The following SLC35F4 variants were observed in gnomAD, a reference collection of about 807,000 sequenced individuals.
SLC35F4 encodes chromosome 14 open reading frame 36.
SLC35F4 carries 24 observed loss-of-function variants against 44.2 expected under a neutral mutation model. The ratio of observed to expected loss-of-function variants is 0.54; its 90% CI spans 0.39 to 0.76. The LOEUF (loss-of-function observed/expected upper bound fraction) is 0.76. Among genes scored for constraint, SLC35F4 ranks in the 30% least tolerant of loss-of-function variants. The pLI is 0.00. For missense variants in SLC35F4, 562 were observed against 586.1 expected (o/e 0.96, Z 0.42); for synonymous variants, 238 against 223.6 (o/e 1.06, Z -0.57).
rs912089974 is a variant in SLC35F4 at position 57,594,134 on chromosome 14, C to T, written c.104-10G>A. ...GATGATCTGGAGGTACCTGGAAAGA[C>T]AGAGTTCACGCCAGTTTGAGAACTG... is the stretch of plus-strand genomic sequence containing the variant. On this transcript the variant is annotated splice_polypyrimidine_tract_variant and intron_variant, in intron 1 of 7. Coordinates refer to ENST00000556826, the MANE Select transcript of SLC35F4 (RefSeq NM_001306087.2). 1.2e-6 allele frequency: 2 copies of T among 1,612,458 alleles called. No homozygotes were observed. The highest frequency in any genetic ancestry group is 2.2e-5 in the East Asian group (1 of 44,866).
At chr14:57,743,446 C>T (rs1453278723) in intron 1 of SLC35F4, among the ~76,000 whole-genome samples, 1 of 152,164 alleles carries the variant, frequency 6.6e-6, no homozygotes, top group African/African-American at 2.4e-5. Context: ...ACTATAAACA[C>T]CTCTACACAA....
intron 1 of SLC35F4, among the ~76,000 whole-genome samples, chr14:57,873,625 ATAGTT>A (rs1158957356): frequency 1.3e-5 from 2 of 152,208 alleles, no homozygotes; most frequent in Non-Finnish European, 2.9e-5. Flanking sequence ...CAGGGGGAAA[ATAGTT>A]AAGATACTCA....
intron 1 of SLC35F4, among the ~76,000 whole-genome samples, chr14:57,690,235 C>G (rs918461661): frequency 1.3e-5 from 2 of 152,146 alleles, no homozygotes; most frequent in African/African-American, 4.8e-5. Context: ...AACTATTGAG[C>G]ACCTACTGTG....
At chr14:57,774,005 GA>G (rs1215330697) in intron 1 of SLC35F4, among the ~76,000 whole-genome samples, 1 of 152,154 alleles carries the variant, frequency 6.6e-6, no homozygotes, top group East Asian at 1.9e-4. Context: ...AGTATACCTT[GA>G]CAATCTTTGA....
chr14:57,738,579 T>C (rs138074081), intron 1 of SLC35F4, among the ~76,000 whole-genome samples: 1 of 151,950 alleles, frequency 6.6e-6, no homozygotes, highest in South Asian at 2.1e-4. Flanking sequence ...CATGCAAAGA[T>C]GTTTAAGGGA....
intron 3 of SLC35F4, among the ~76,000 whole-genome samples, chr14:57,586,012 A>G (rs545644202): frequency 7.2e-4 from 109 of 152,352 alleles, no homozygotes; most frequent in Non-Finnish European, 1.4e-3. Flanking sequence ...AAGAGCCTGC[A>G]TAGCCAAGAC....
At chr14:57,722,235 A>G (rs1092039) in intron 1 of SLC35F4, among the ~76,000 whole-genome samples, 71,647 of 151,980 alleles carry the variant, frequency 0.47, 17,276 homozygotes, top group Non-Finnish European at 0.53. Context: ...CAGGGAGTTA[A>G]AAAAAGCTTC....
At chr14:57,757,896 T>C (rs573626874) in intron 1 of SLC35F4, among the ~76,000 whole-genome samples, 1 of 152,232 alleles carries the variant, frequency 6.6e-6, no homozygotes, top group Admixed American at 6.5e-5. Context: ...TAGAGTCCCC[T>C]GTGGTTCTTC....
At chr14:57,923,894 T>TTA (rs1223335513) in intron 1 of SLC35F4, among the ~76,000 whole-genome samples, 1 of 152,254 alleles carries the variant, frequency 6.6e-6, no homozygotes, top group Non-Finnish European at 1.5e-5. Context: ...ACCCAAATCT[T>TTA]ATCTAGAGTT....
Position 57,701,498 on chromosome 14 carries a change from T to C in SLC35F4, c.104-107374A>G, listed in dbSNP as rs1412015654. ...ATTATCAAGTATTATATACCATACA[T>C]AATTGTATGTTATATTTTTATACAG... is the stretch of plus-strand genomic sequence containing the variant. On this transcript the variant is annotated intron_variant, in intron 1 of 7. Coordinates refer to ENST00000556826, the MANE Select transcript of SLC35F4 (RefSeq NM_001306087.2). 5.3e-5 allele frequency among the ~76,000 whole-genome samples: 8 copies of C among 152,330 alleles called. No individual in the cohort carries two copies. In the East Asian group the frequency reaches 5.8e-4, roughly 11 times the overall value.
chr14:57,961,705 C>A (rs943858159), intron 1 of SLC35F4, among the ~76,000 whole-genome samples: 2 of 152,190 alleles, frequency 1.3e-5, no homozygotes, highest in African/African-American at 4.8e-5. Context: ...TTATGTCCAG[C>A]CGCACTGGAG....
intron 1 of SLC35F4, among the ~76,000 whole-genome samples, chr14:57,622,518 A>G (rs1468934025): frequency 2.7e-5 from 4 of 150,566 alleles, no homozygotes; most frequent in Non-Finnish European, 5.9e-5. Flanking sequence ...TGTCCTTTGT[A>G]GGGACATGGA....
chr14:57,957,433 A>AC (rs1890259416), intron 1 of SLC35F4, among the ~76,000 whole-genome samples: 1 of 110,036 alleles, frequency 9.1e-6, no homozygotes, highest in South Asian at 2.9e-4. Context: ...AACTTAAAGT[A>AC]CAAAAAAAAA....
chr14:57,647,910 C>T (rs79603175), intron 1 of SLC35F4, among the ~76,000 whole-genome samples: 20,217 of 152,092 alleles, frequency 0.13, 1,597 homozygotes, highest in East Asian at 0.22. Context: ...TACCCTGATC[C>T]TTCCTCTTAT....
At chr14:57,827,735 A>AT (rs913860883) in intron 1 of SLC35F4, among the ~76,000 whole-genome samples, 13 of 150,970 alleles carry the variant, frequency 8.6e-5, no homozygotes, top group Non-Finnish European at 1.8e-4. Flanking sequence ...TACTTTGGTG[A>AT]TTTTTTTGTT....
intron 1 of SLC35F4, among the ~76,000 whole-genome samples, chr14:57,865,289 G>T (rs1231388373): frequency 7.6e-6 from 1 of 131,804 alleles, no homozygotes; most frequent in Non-Finnish European, 1.7e-5. Context: ...CCCCACCCCC[G>T]AGCCTCCCCA....
chr14:57,737,529 G>T lies in SLC35F4; in HGVS notation c.103+128194C>A, dbSNP rs567699535. Among the ~76,000 whole-genome samples the T allele has an allele frequency of 3.2e-4, 48 of 152,142 alleles. 1 individual carries two copies. In the South Asian group the frequency reaches 6.8e-3, roughly 22 times the overall value. ...TAACTGGAAAGGAGTTAATAGCAAG[G>T]CTGCAGCAATGGTAAAACAACCCAG... On this transcript the variant is annotated intron_variant, in intron 1 of 7. Transcript: ENST00000556826.
intron 1 of SLC35F4, among the ~76,000 whole-genome samples, chr14:57,705,096 G>A (rs2075636526): frequency 6.6e-6 from 1 of 152,150 alleles, no homozygotes. Context: ...TCATAAAATT[G>A]TTCTGAGAAT....
At chr14:57,882,517 C>G (rs1415608068) in intron 1 of SLC35F4, among the ~76,000 whole-genome samples, 1 of 152,166 alleles carries the variant, frequency 6.6e-6, no homozygotes, top group Non-Finnish European at 1.5e-5. Context: ...CCAGGTTTCA[C>G]AGCCAAGCTA....
Sources: gnomAD v4.1 joint callset for allele counts (sites outside exome capture counted in the v4.1 genomes callset) on GRCh38, gnomAD v4.1.1 for gene constraint, MANE v1.5 for transcripts, NCBI Gene and HGNC (gene_info 2026-07-23, HGNC 2026-07-21) for gene names.